The following MCFD2 variants were observed in gnomAD, a reference collection of about 807,000 sequenced individuals.
MCFD2 encodes the protein multiple coagulation factor deficiency protein 2.
A neutral mutation model predicts 12.8 loss-of-function variants in MCFD2; 11 were observed. That is an observed-to-expected ratio of 0.86 (90% CI 0.54 to 1.42). MCFD2 has a LOEUF of 1.42. Ranked by LOEUF, MCFD2 falls within the 40% of genes most tolerant of loss-of-function variation. MCFD2 has a pLI of 0.00. For missense variants in MCFD2, 191 were observed against 178.6 expected (o/e 1.07, Z -0.40); for synonymous variants, 70 against 68.1 (o/e 1.03, Z -0.14).
intron 1 of MCFD2, among the ~76,000 whole-genome samples, chr2:46,912,093 C>T (rs764926360): frequency 3.3e-5 from 5 of 152,000 alleles, no homozygotes; most frequent in South Asian, 2.1e-4. Flanking sequence ...CCCAACACTT[C>T]GGGAGGCCGA....
At chr2:46,932,244 G>A (rs918709708) in intron 1 of MCFD2, among the ~76,000 whole-genome samples, 1 of 151,466 alleles carries the variant, frequency 6.6e-6, no homozygotes, top group Non-Finnish European at 1.5e-5. Context: ...CTTCCTCCTC[G>A]GTTCAAGCAA....
intron 1 of MCFD2, among the ~76,000 whole-genome samples, chr2:46,927,704 A>T (rs1007494096): frequency 6.6e-6 from 1 of 152,050 alleles, no homozygotes; most frequent in Non-Finnish European, 1.5e-5. Context: ...CTGACTTCTC[A>T]CAACAGGAAC....
At chr2:46,916,778 G>A (rs1668816650), upstream of MCFD2, among the ~76,000 whole-genome samples, 1 of 152,140 alleles carries the variant, frequency 6.6e-6, no homozygotes, top group East Asian at 1.9e-4. Context: ...GGGATTACAG[G>A]CGCGTGCCAC....
intron 1 of MCFD2, among the ~76,000 whole-genome samples, chr2:46,928,402 A>G (rs1669511421): frequency 6.7e-6 from 1 of 150,048 alleles, no homozygotes; most frequent in African/African-American, 2.5e-5. Flanking sequence ...AACTGAGGCT[A>G]GAATCTCATG....
intron 3 of MCFD2, among the ~76,000 whole-genome samples, chr2:46,906,475 A>ATTTTTTT: frequency 1.1e-5 from 1 of 91,702 alleles, no homozygotes. Context: ...AGGCACGAGG[A>ATTTTTTT]TTTTTTTTTT....
Position 46,941,712 on chromosome 2 carries a change from C to G in MCFD2, c.-148G>C. 6.4e-7 allele frequency: 1 copy of G among 1,550,458 alleles called. No homozygotes were observed. Among genetic ancestry groups the G allele is most frequent in the South Asian group, 1.2e-5 (1 of 84,070 alleles). On this transcript the variant is annotated 5_prime_UTR_variant, in exon 1 of 3. Coordinates refer to the MCFD2 transcript ENST00000409147. This position sits in a 1 kb window ranked among gnomAD's most constrained non-coding sequence, Gnocchi z 4.2. The stretch of plus-strand genomic sequence containing the variant: ...GAGGCAGCCCGAGCGCAGCGTTCAC[C>G]TTTCCGGACACCGGTGAGTAAGGGA...
At chr2:46,935,213 G>A (rs1669916992) in intron 1 of MCFD2, among the ~76,000 whole-genome samples, 1 of 152,076 alleles carries the variant, frequency 6.6e-6, no homozygotes, top group Non-Finnish European at 1.5e-5. Flanking sequence ...AAGGGGTCAG[G>A]CGTGTGTGGA....
intron 1 of MCFD2, among the ~76,000 whole-genome samples, chr2:46,932,714 A>G (rs927917386): frequency 1.3e-5 from 2 of 151,866 alleles, no homozygotes; most frequent in Non-Finnish European, 2.9e-5. Context: ...CAGTTTGGCC[A>G]ACAAGGTGAA....
At chr2:46,918,641 G>A (rs1014052887), upstream of MCFD2, among the ~76,000 whole-genome samples, 3 of 152,210 alleles carry the variant, frequency 2.0e-5, no homozygotes, top group African/African-American at 4.8e-5. Context: ...AAGACTGTAT[G>A]TCAAACTGGA....
At chr2:46,911,630 T>C (rs1282692927) in intron 1 of MCFD2, among the ~76,000 whole-genome samples, 6 of 152,002 alleles carry the variant, frequency 3.9e-5, no homozygotes, top group Admixed American at 6.6e-5. Context: ...GAGATTAGAA[T>C]TGTGATTTTC....
chr2:46,912,680 T>C (rs966185136), intron 1 of MCFD2: 3 of 152,256 alleles, frequency 2.0e-5, no homozygotes, highest in African/African-American at 7.2e-5. Flanking sequence ...TTCTTTTTTT[T>C]CTTTTGTTTT....
chr2:46,941,713 T>A lies in MCFD2; in HGVS notation c.-149A>T. 1 of 1,550,390 alleles carries A rather than the reference T, an allele frequency of 6.4e-7. No homozygotes were observed. Among genetic ancestry groups the A allele is most frequent in the Non-Finnish European group, 8.7e-7 (1 of 1,147,182 alleles). ...AGGCAGCCCGAGCGCAGCGTTCACC[T>A]TTCCGGACACCGGTGAGTAAGGGAA... On this transcript the variant is annotated 5_prime_UTR_variant, in exon 1 of 3. Coordinates refer to the MCFD2 transcript ENST00000409147. The surrounding 1 kb of genome is among the most constrained non-coding windows in gnomAD (Gnocchi z 4.2).
At chr2:46,912,089 A>C (rs1390890485) in intron 1 of MCFD2, among the ~76,000 whole-genome samples, 1 of 152,148 alleles carries the variant, frequency 6.6e-6, no homozygotes, top group Non-Finnish European at 1.5e-5. Flanking sequence ...TGATCCCAAC[A>C]CTTCGGGAGG....
chr2:46,916,091 G>T (rs6544939), upstream of MCFD2: 140,187 of 985,400 alleles, frequency 0.14, 15,546 homozygotes, highest in African/African-American at 0.55. Flanking sequence ...TAGTTCCACG[G>T]GCGACGTAGG....
upstream of MCFD2, chr2:46,915,947 C>T (rs1668757664): frequency 1.0e-6 from 1 of 985,416 alleles, no homozygotes; most frequent in Non-Finnish European, 1.2e-6. Flanking sequence ...TCGGCCCGGG[C>T]CCAGCACTGG....
chr2:46,939,243 A>G (rs1337156515), intron 1 of MCFD2, among the ~76,000 whole-genome samples: 1 of 152,100 alleles, frequency 6.6e-6, no homozygotes, highest in Non-Finnish European at 1.5e-5. Flanking sequence ...AATAGCCTCT[A>G]AAACAAGTCA....
At chr2:46,939,632 T>C (rs1056784414) in intron 1 of MCFD2, among the ~76,000 whole-genome samples, 3 of 152,208 alleles carry the variant, frequency 2.0e-5, no homozygotes, top group African/African-American at 7.2e-5. Flanking sequence ...GGAGGTCTTA[T>C]TTCTGCCAAG....
chr2:46,936,692 A>G (rs188403815), intron 1 of MCFD2, among the ~76,000 whole-genome samples: 1 of 152,306 alleles, frequency 6.6e-6, no homozygotes, highest in East Asian at 1.9e-4. Context: ...AGACAGCATC[A>G]TCATTTCCCC....
In MCFD2 at chr2:46,941,758, C is replaced by T. The variant is rs760845877; in HGVS notation, c.-194G>A. On this transcript the variant is annotated 5_prime_UTR_variant, in exon 1 of 3. Transcript: ENST00000409147. This position sits in a 1 kb window ranked among gnomAD's most constrained non-coding sequence, Gnocchi z 4.2. The stretch of plus-strand genomic sequence containing the variant: ...AGGGAAGAGGCTGGCTCGCCGGCAG[C>T]GAGCGCGCGAAACGCACCGCCTCCT... 1 of 1,546,724 alleles carries T rather than the reference C, an allele frequency of 6.5e-7. No individual in the cohort carries two copies. The highest frequency in any genetic ancestry group is 8.7e-7 in the Non-Finnish European group (1 of 1,145,492).
Sources: gnomAD v4.1 joint callset for allele counts (sites outside exome capture counted in the v4.1 genomes callset) on GRCh38, gnomAD v4.1.1 for gene constraint, Gnocchi (gnomAD v3.1) non-coding constraint, MANE v1.5 for transcripts, NCBI Gene and HGNC (gene_info 2026-07-23, HGNC 2026-07-21) for gene names.